The following LOC128462377 variants were observed in gnomAD, a reference collection of about 807,000 sequenced individuals.
chr16:89,369,845 T>C, the LOC128462377 span, among the ~76,000 whole-genome samples: 2 of 152,314 alleles, frequency 1.3e-5, no homozygotes, highest in Admixed American at 6.5e-5. Context: ...CTGGGGAAGC[T>C]TGGCAATGTG....
At chr16:89,384,467 AGGACAAGATGGGAATG>A in the LOC128462377 span, among the ~76,000 whole-genome samples, 12 of 151,000 alleles carry the variant, frequency 7.9e-5, no homozygotes, top group East Asian at 2.1e-3. Flanking sequence ...GAAATGGGAC[AGGACAAGATGGGAATG>A]GGACGAGATG....
the LOC128462377 span, among the ~76,000 whole-genome samples, chr16:89,367,173 G>T: frequency 6.6e-6 from 1 of 152,178 alleles, no homozygotes; most frequent in African/African-American, 2.4e-5. Context: ...ACCTCAGGGG[G>T]ACAGTCCATA....
At chr16:89,396,276 C>T in the LOC128462377 span, among the ~76,000 whole-genome samples, 19 of 152,296 alleles carry the variant, frequency 1.2e-4, no homozygotes, top group African/African-American at 4.1e-4. Flanking sequence ...ACACGAGTCC[C>T]GGGCACCCAA....
the LOC128462377 span, chr16:89,340,047 T>C: frequency 6.6e-6 from 1 of 152,188 alleles, no homozygotes; most frequent in Admixed American, 6.5e-5. Context: ...AAAAATCCAT[T>C]CTCCTGTTGA....
At chr16:89,399,016 C>G in the LOC128462377 span, among the ~76,000 whole-genome samples, 1 of 152,174 alleles carries the variant, frequency 6.6e-6, no homozygotes, top group African/African-American at 2.4e-5. Context: ...TTAACAAGCT[C>G]CATGCTCTGT....
the LOC128462377 span, among the ~76,000 whole-genome samples, chr16:89,319,233 G>A: frequency 5.3e-5 from 8 of 152,172 alleles, no homozygotes; most frequent in Non-Finnish European, 8.8e-5. Context: ...CACGGCCTCC[G>A]GACGGTGTCT....
At chr16:89,395,011 A>G in the LOC128462377 span, among the ~76,000 whole-genome samples, 2 of 152,238 alleles carry the variant, frequency 1.3e-5, no homozygotes, top group African/African-American at 4.8e-5. Flanking sequence ...TCACGGTATG[A>G]TTTTAAGTCA....
At chr16:89,337,007 CAAA>C in the LOC128462377 span, among the ~76,000 whole-genome samples, 1,323 of 47,620 alleles carry the variant, frequency 0.028, 27 homozygotes, top group African/African-American at 0.092. Flanking sequence ...CTGGCTCTAC[CAAA>C]AAAAAAAAAA....
At chr16:89,343,296 G>C in the LOC128462377 span, among the ~76,000 whole-genome samples, 1 of 152,182 alleles carries the variant, frequency 6.6e-6, no homozygotes, top group Non-Finnish European at 1.5e-5. Flanking sequence ...CTGGGCCTGA[G>C]CGCATTTTTT....
the LOC128462377 span, among the ~76,000 whole-genome samples, chr16:89,415,910 C>T: frequency 1.3e-5 from 2 of 150,676 alleles, no homozygotes; most frequent in Non-Finnish European, 1.5e-5. Flanking sequence ...ATGTGGGTCA[C>T]GGCGCCTCTG....
the LOC128462377 span, among the ~76,000 whole-genome samples, chr16:89,413,351 C>T: frequency 3.9e-5 from 6 of 152,246 alleles, no homozygotes; most frequent in African/African-American, 9.6e-5. Flanking sequence ...GTGGACTGGG[C>T]GCAGTGGCTC....
chr16:89,360,760 G>C, the LOC128462377 span: 1 of 152,210 alleles, frequency 6.6e-6, no homozygotes, highest in East Asian at 1.9e-4. Flanking sequence ...GAGAGGAAGA[G>C]GAGAAGAAAA....
the LOC128462377 span, among the ~76,000 whole-genome samples, chr16:89,403,274 C>A: frequency 3.3e-5 from 5 of 152,310 alleles, no homozygotes; most frequent in East Asian, 7.7e-4. Flanking sequence ...ACACCAGCCA[C>A]GCACATGTTG....
At chr16:89,389,463 G>A in the LOC128462377 span, among the ~76,000 whole-genome samples, 344 of 152,212 alleles carry the variant, frequency 2.3e-3, no homozygotes, top group African/African-American at 8.0e-3. Context: ...GACACAGAAG[G>A]CAAAATTAGT....
chr16:89,347,311 TAA>T, the LOC128462377 span, among the ~76,000 whole-genome samples: 31 of 152,156 alleles, frequency 2.0e-4, no homozygotes, highest in East Asian at 6.0e-3. Flanking sequence ...CATGTACACA[TAA>T]AAAGAGTTCC....
At chr16:89,386,483 T>C in the LOC128462377 span, among the ~76,000 whole-genome samples, 239 of 152,242 alleles carry the variant, frequency 1.6e-3, no homozygotes, top group African/African-American at 5.2e-3. Context: ...CAGTGGAGGA[T>C]AGAACCCGGC....
the LOC128462377 span, among the ~76,000 whole-genome samples, chr16:89,334,159 A>AC: frequency 3.3e-3 from 463 of 141,280 alleles, 33 homozygotes; most frequent in East Asian, 0.048. Context: ...AAAAAAAAAA[A>AC]AAAAAAAAAA....
At chr16:89,407,625 A>G in the LOC128462377 span, among the ~76,000 whole-genome samples, 6 of 152,228 alleles carry the variant, frequency 3.9e-5, no homozygotes, top group Non-Finnish European at 8.8e-5. Context: ...GTTCAAGACC[A>G]GCCTGAGTAA....
At chr16:89,386,549 C>T in the LOC128462377 span, among the ~76,000 whole-genome samples, 1 of 152,188 alleles carries the variant, frequency 6.6e-6, no homozygotes, top group Non-Finnish European at 1.5e-5. Context: ...ATGGCAGTGG[C>T]CCGCAACGAC....
Sources: gnomAD v4.1 joint callset for allele counts (sites outside exome capture counted in the v4.1 genomes callset) on GRCh38, gnomAD v4.1.1 for gene constraint, MANE v1.5 for transcripts.